Variants in LRRTM4 observed in about 807,000 individuals in gnomAD.
LRRTM4 encodes leucine-rich repeat transmembrane neuronal protein 4.
LRRTM4 carries 25 observed loss-of-function variants against 47.6 expected under a neutral mutation model. That is an observed-to-expected ratio of 0.53 (90% CI 0.38 to 0.73). The LOEUF (loss-of-function observed/expected upper bound fraction) is 0.73. Ranked by LOEUF, LRRTM4 falls within the 30% of genes least tolerant of loss-of-function variation. LRRTM4 has a pLI of 0.00. For synonymous variants in LRRTM4, 311 were observed against 269.5 expected (o/e 1.15, Z -1.51); for missense variants, 638 against 713.4 (o/e 0.89, Z 1.20).
intron 3 of LRRTM4, among the ~76,000 whole-genome samples, chr2:77,061,550 C>G (rs1679785277): frequency 6.6e-6 from 1 of 152,162 alleles, no homozygotes; most frequent in African/African-American, 2.4e-5. Flanking sequence ...ATTCAAATCT[C>G]TCCAGAAAGA....
chr2:77,500,775 A>T (rs927703174), intron 3 of LRRTM4, among the ~76,000 whole-genome samples: 17 of 151,580 alleles, frequency 1.1e-4, no homozygotes, highest in African/African-American at 3.9e-4. Flanking sequence ...TAATAATTCT[A>T]AAGTTCATCT....
At chr2:76,759,002 T>C (rs1321602352) in intron 3 of LRRTM4, among the ~76,000 whole-genome samples, 8 of 152,188 alleles carry the variant, frequency 5.3e-5, no homozygotes, top group Non-Finnish European at 1.2e-4. Context: ...TTTCATTTAA[T>C]CTTCATGTGT....
chr2:76,973,713 T>C (rs539709210), intron 3 of LRRTM4, among the ~76,000 whole-genome samples: 3 of 152,108 alleles, frequency 2.0e-5, no homozygotes, highest in African/African-American at 4.8e-5. Flanking sequence ...TTCGACAAGA[T>C]GGATGAATAG....
chr2:76,860,217 G>A (rs1374166201), intron 3 of LRRTM4, among the ~76,000 whole-genome samples: 2 of 152,124 alleles, frequency 1.3e-5, no homozygotes. Flanking sequence ...CATTACTATG[G>A]ATCTCATGAT....
chr2:76,791,052 G>A lies in LRRTM4; in HGVS notation c.1552-42136C>T, dbSNP rs1480861824. Among the ~76,000 whole-genome samples the A allele has an allele frequency of 2.6e-5, 4 of 152,246 alleles. No homozygotes were observed. The East Asian group carries it at 5.8e-4, about 22-fold the overall frequency. ...AATGATAAAGAGGTAATTTACTGGG[G>A]CTATAACACTGGCTGTTACTTTGAT... On this transcript the variant is annotated intron_variant, in intron 3 of 3. Coordinates refer to ENST00000409884, the MANE Select transcript of LRRTM4 (RefSeq NM_001134745.3).
At chr2:76,895,137 G>C (rs142662915) in intron 3 of LRRTM4, among the ~76,000 whole-genome samples, 6 of 151,996 alleles carry the variant, frequency 3.9e-5, no homozygotes, top group Non-Finnish European at 5.9e-5. Context: ...AAAAATTTTT[G>C]ACACTGCATT....
At chr2:76,849,143 A>C (rs537207191) in intron 3 of LRRTM4, among the ~76,000 whole-genome samples, 1 of 152,208 alleles carries the variant, frequency 6.6e-6, no homozygotes, top group Non-Finnish European at 1.5e-5. Flanking sequence ...CACAGTATTA[A>C]TAATAGCTGA....
At chr2:77,136,872 A>G (rs2103989196) in intron 3 of LRRTM4, among the ~76,000 whole-genome samples, 1 of 152,042 alleles carries the variant, frequency 6.6e-6, no homozygotes, top group African/African-American at 2.4e-5. Flanking sequence ...AAGAAAGGGT[A>G]TGAGTGATTG....
chr2:77,218,020 CTT>C (rs1674508252), intron 3 of LRRTM4, among the ~76,000 whole-genome samples: 1 of 151,976 alleles, frequency 6.6e-6, no homozygotes, highest in Non-Finnish European at 1.5e-5. Context: ...GAGTTTCACT[CTT>C]ATTGCCCTAT....
At chr2:76,989,135 G>A (rs1229601880) in intron 3 of LRRTM4, among the ~76,000 whole-genome samples, 3 of 151,648 alleles carry the variant, frequency 2.0e-5, no homozygotes, top group Non-Finnish European at 4.4e-5. Context: ...TTTTCATTTT[G>A]ATTTATCCAT....
intron 3 of LRRTM4, among the ~76,000 whole-genome samples, chr2:77,035,541 GT>G (rs1398769071): frequency 6.6e-6 from 1 of 151,726 alleles, no homozygotes; most frequent in South Asian, 2.1e-4. Context: ...TTAAAATAGT[GT>G]TTTGCTTTTC....
At chr2:76,813,544 A>G (rs978381448) in intron 3 of LRRTM4, among the ~76,000 whole-genome samples, 3 of 152,144 alleles carry the variant, frequency 2.0e-5, no homozygotes, top group African/African-American at 4.8e-5. Context: ...TTAAAAATAT[A>G]TAATTTATGT....
At chr2:77,205,326 C>T (rs1442558073) in intron 3 of LRRTM4, among the ~76,000 whole-genome samples, 1 of 151,988 alleles carries the variant, frequency 6.6e-6, no homozygotes, top group African/African-American at 2.4e-5. Context: ...TGGAATGTAC[C>T]GTGGAAGAAA....
intron 3 of LRRTM4, among the ~76,000 whole-genome samples, chr2:76,852,051 G>C (rs1054805151): frequency 4.6e-5 from 7 of 152,044 alleles, no homozygotes; most frequent in African/African-American, 1.4e-4. Flanking sequence ...ATCCTGTTCA[G>C]ATATAGCTAA....
At chr2:77,331,982 T>C (rs551133440) in intron 3 of LRRTM4, among the ~76,000 whole-genome samples, 1 of 152,256 alleles carries the variant, frequency 6.6e-6, no homozygotes, top group East Asian at 1.9e-4. Flanking sequence ...GGAAGTATAA[T>C]TTAATTAATT....
intron 3 of LRRTM4, among the ~76,000 whole-genome samples, chr2:77,424,222 C>A (rs955448656): frequency 1.3e-4 from 20 of 152,196 alleles, no homozygotes; most frequent in Middle Eastern, 3.4e-3. Context: ...GGGCATATAG[C>A]AAGAGTTCTG....
chr2:77,473,951 GTTCT>G (rs1677283787), intron 3 of LRRTM4, among the ~76,000 whole-genome samples: 2 of 152,162 alleles, frequency 1.3e-5, no homozygotes, highest in Admixed American at 6.5e-5. Context: ...TTTAGCACGT[GTTCT>G]TTGTCACTTT....
At position 76,748,627 on chromosome 2, in the gene LRRTM4, A is replaced by G; in HGVS notation, c.*68T>C. The G allele has an allele frequency of 7.8e-7, 1 of 1,282,090 alleles. No homozygotes were observed. The highest frequency in any genetic ancestry group is 1.1e-6 in the Non-Finnish European group (1 of 898,920). The allele number at this position is 1,282,090 out of a possible 1,614,324, so 79.4% of individuals were successfully genotyped here. A position where few individuals can be genotyped will look rare whatever the true frequency, so the allele number is the denominator to read the frequency against. The stretch of plus-strand genomic sequence containing the variant: ...CTCGATTGCGCGATTGTGGACACCC[A>G]TTCTCCTTTAAGATGAAGGCCCTCC... On this transcript the variant is annotated 3_prime_UTR_variant, in exon 4 of 4. Transcript: ENST00000409884.
chr2:76,790,247 G>A (rs548765897), intron 3 of LRRTM4, among the ~76,000 whole-genome samples: 2 of 151,996 alleles, frequency 1.3e-5, no homozygotes, highest in Non-Finnish European at 2.9e-5. Flanking sequence ...ACAGTCATTG[G>A]TTCTGCTTTG....
Sources: gnomAD v4.1 joint callset for allele counts (sites outside exome capture counted in the v4.1 genomes callset) on GRCh38, gnomAD v4.1.1 for gene constraint, MANE v1.5 for transcripts, NCBI Gene and HGNC (gene_info 2026-07-23, HGNC 2026-07-21) for gene names.